EVC2: variants seen among roughly 807,000 people sequenced by gnomAD.
EVC2 encodes limbin.
In EVC2, 148 loss-of-function variants were observed where a neutral mutation model predicts 149.3. The observed-to-expected ratio is 0.99, with a 90% CI of 0.87 to 1.14. The LOEUF is 1.14. EVC2 is among the 50% of genes most tolerant of loss of function. The pLI is 0.00. For missense variants in EVC2, 1,854 were observed against 1,627.3 expected, an observed-to-expected ratio of 1.14 and a Z score of -2.40; for synonymous variants, 776 against 649.9, an observed-to-expected ratio of 1.19 and a Z score of -2.95.
rs369215808 is a variant in EVC2 at position 5,652,599 on chromosome 4, C to T, written c.1145+10508G>A. ...AGTTAAGGTCCTCAGGAGCATCCTC[C>T]AGCCGGCAAGGGCTTGGAGCTGCTG... On this transcript the variant is annotated intron_variant, in intron 9 of 21. Transcript: ENST00000344408. Among the ~76,000 whole-genome samples, 7 of 152,172 alleles carry T rather than the reference C, an allele frequency of 4.6e-5. No individual in the cohort carries two copies. The East Asian group carries it at 5.8e-4, about 13-fold the overall frequency.
intron 17 of EVC2, among the ~76,000 whole-genome samples, chr4:5,583,297 T>A (rs1021798606): frequency 6.6e-6 from 1 of 152,234 alleles, no homozygotes; most frequent in Non-Finnish European, 1.5e-5. Context: ...ACATGCAAGA[T>A]TGAAGTATAA....
chr4:5,586,015 C>T (rs1383883472), intron 16 of EVC2, among the ~76,000 whole-genome samples: 1 of 152,112 alleles, frequency 6.6e-6, no homozygotes, highest in African/African-American at 2.4e-5. Flanking sequence ...GCATGCACCA[C>T]CACACCCAGC....
At chr4:5,584,394 CAG>C (rs1712080914) in intron 17 of EVC2, among the ~76,000 whole-genome samples, 1 of 152,178 alleles carries the variant, frequency 6.6e-6, no homozygotes, top group African/African-American at 2.4e-5. Flanking sequence ...TGCCAAGTTT[CAG>C]AGATGTTAAA....
chr4:5,555,958 T>G (rs1560118503), intron 21 of EVC2, among the ~76,000 whole-genome samples: 1 of 151,900 alleles, frequency 6.6e-6, no homozygotes, highest in Admixed American at 6.6e-5. Flanking sequence ...GGCAGGCGGA[T>G]CACGAGGTCA....
Position 5,628,554 on chromosome 4 carries a change from G to A in EVC2, c.1886+5C>T, listed in dbSNP as rs747020054. 12 of 1,613,910 alleles carry A rather than the reference G, an allele frequency of 7.4e-6. No homozygotes were observed. Among genetic ancestry groups the A allele is most frequent in the Non-Finnish European group, 1.0e-5 (12 of 1,180,014 alleles). On this transcript the variant is annotated splice_donor_5th_base_variant and intron_variant, in intron 12 of 21. Coordinates refer to ENST00000344408, the MANE Select transcript of EVC2 (RefSeq NM_147127.5). ...TCGCACTGTTGGGACAGTGTTGAGT[G>A]GTACCTCTCGTGCTTCTGAATGAGG... is the stretch of plus-strand genomic sequence containing the variant.
At chr4:5,644,543 T>A (rs149645473) in intron 9 of EVC2, among the ~76,000 whole-genome samples, 4,283 of 152,262 alleles carry the variant, frequency 0.028, 204 homozygotes, top group African/African-American at 0.098. Context: ...GACCTCATGA[T>A]CTGCCCGCCT....
Position 5,623,000 on chromosome 4 carries a change from T to G in EVC2, c.2047-9A>C, listed in dbSNP as rs73198154. The G allele has an allele frequency of 1.2e-6, 2 of 1,613,698 alleles. No homozygotes were observed. Among genetic ancestry groups the G allele is most frequent in the Non-Finnish European group, 1.7e-6 (2 of 1,179,896 alleles). On this transcript the variant is annotated splice_polypyrimidine_tract_variant and intron_variant, in intron 13 of 21. Transcript: ENST00000344408. This position sits in a 1 kb window ranked among gnomAD's most constrained non-coding sequence, Gnocchi z 5.8. ...CTACGCTGCTCCCTGTGCTGGAGTT[T>G]CAGAAAAGAAAATTAAGTGGGGGTG...
chr4:5,694,787 T>A (rs1721362640), intron 2 of EVC2, among the ~76,000 whole-genome samples: 1 of 152,192 alleles, frequency 6.6e-6, no homozygotes, highest in Admixed American at 6.5e-5. Flanking sequence ...GAATGATGCC[T>A]GGGTTGATTC....
chr4:5,591,127 C>T (rs1287930857), intron 16 of EVC2, among the ~76,000 whole-genome samples: 2 of 152,142 alleles, frequency 1.3e-5, no homozygotes, highest in African/African-American at 4.8e-5. Flanking sequence ...GGGCATGAAG[C>T]TCAATGACAC....
chr4:5,550,272 AG>A (rs1401219885), intron 21 of EVC2, among the ~76,000 whole-genome samples: 18 of 152,296 alleles, frequency 1.2e-4, no homozygotes, highest in Non-Finnish European at 2.2e-4. Flanking sequence ...GGAACTCCAT[AG>A]AGACTTGTTG....
downstream of EVC2, chr4:5,562,427 G>C (rs1722011939): frequency 2.0e-6 from 2 of 1,020,398 alleles, no homozygotes; most frequent in Non-Finnish European, 2.4e-6. This position sits in a 1 kb window ranked among gnomAD's most constrained non-coding sequence, Gnocchi z 4.3. Context: ...CATGGGTTTT[G>C]TAATAAACAG....
chr4:5,624,454 T>C (rs1206876319), intron 13 of EVC2, among the ~76,000 whole-genome samples: 1 of 152,344 alleles, frequency 6.6e-6, no homozygotes, highest in Non-Finnish European at 1.5e-5. Flanking sequence ...CAAATATGTA[T>C]TGAGCACCTA....
chr4:5,580,674 G>A (rs1263975167), intron 17 of EVC2, among the ~76,000 whole-genome samples: 2 of 152,180 alleles, frequency 1.3e-5, no homozygotes, highest in Non-Finnish European at 2.9e-5. Flanking sequence ...CCGCCTCCAC[G>A]CTAATCACCT....
intron 1 of EVC2, among the ~76,000 whole-genome samples, chr4:5,706,369 CATAGATAGATACATAGATAGATACATAG>C (rs1722160339): frequency 1.3e-4 from 1 of 7,536 alleles, no homozygotes; most frequent in African/African-American, 7.3e-4. Context: ...TAGATAGATA[CATAGATAGATACATAGATAGATACATAG>C]ATAGATAGAT....
At chr4:5,575,450 T>A (rs1298593722) in intron 18 of EVC2, among the ~76,000 whole-genome samples, 2 of 152,146 alleles carry the variant, frequency 1.3e-5, no homozygotes, top group Non-Finnish European at 2.9e-5. Context: ...CACAATTATT[T>A]CGATGGGACA....
intron 9 of EVC2, among the ~76,000 whole-genome samples, chr4:5,659,405 GAAA>G (rs60976903): frequency 1.9e-5 from 2 of 107,332 alleles, no homozygotes; most frequent in African/African-American, 3.4e-5. Flanking sequence ...TGCTATAATT[GAAA>G]AAAAAAAAAA....
At chr4:5,632,217 AC>A (rs1371561359) in intron 10 of EVC2, among the ~76,000 whole-genome samples, 185 bp from the exon 11 acceptor site, 1 of 152,234 alleles carries the variant, frequency 6.6e-6, no homozygotes, top group African/African-American at 2.4e-5. Context: ...ACATGTGTGC[AC>A]AGGCACATAC....
At chr4:5,685,079 G>A (rs1720602235) in intron 6 of EVC2, among the ~76,000 whole-genome samples, 1 of 152,226 alleles carries the variant, frequency 6.6e-6, no homozygotes, top group Admixed American at 6.5e-5. Flanking sequence ...GTTGCTTACA[G>A]TGTGCAGGAC....
chr4:5,611,911 C>A (rs1714851933), intron 16 of EVC2, among the ~76,000 whole-genome samples: 1 of 152,162 alleles, frequency 6.6e-6, no homozygotes, highest in Non-Finnish European at 1.5e-5. Flanking sequence ...AGCCTTCTTC[C>A]CAGACTACAT....
Sources: gnomAD v4.1 joint callset for allele counts (sites outside exome capture counted in the v4.1 genomes callset) on GRCh38, gnomAD v4.1.1 for gene constraint, Gnocchi (gnomAD v3.1) non-coding constraint, MANE v1.5 for transcripts, NCBI Gene and HGNC (gene_info 2026-07-23, HGNC 2026-07-21) for gene names.